CASQ2: variants seen among roughly 807,000 people sequenced by gnomAD.
CASQ2 encodes calsequestrin-2.
In CASQ2, 49 loss-of-function variants were observed where a neutral mutation model predicts 46.5. That is an observed-to-expected ratio of 1.05 (90% CI 0.84 to 1.34). CASQ2 has a LOEUF of 1.34. Among genes scored for constraint, CASQ2 ranks in the 40% most tolerant of loss-of-function variants. The probability of loss-of-function intolerance (pLI) is 0.00; values close to 1 mark genes in which losing one functional copy is unlikely to be tolerated. For synonymous variants in CASQ2, 174 were observed against 168.5 expected (o/e 1.03, Z -0.25); for missense variants, 486 against 481.3 (o/e 1.01, Z -0.09).
intron 1 of CASQ2, among the ~76,000 whole-genome samples, chr1:115,761,678 C>T (rs1017241431): frequency 1.9e-4 from 29 of 151,436 alleles, no homozygotes; most frequent in Non-Finnish European, 7.4e-5. Context: ...GAAGGAAGCT[C>T]AGTCTGTTAG....
chr1:115,709,238 C>T (rs10923234), intron 8 of CASQ2, among the ~76,000 whole-genome samples: 56,653 of 151,990 alleles, frequency 0.37, 11,188 homozygotes, highest in African/African-American at 0.48. Flanking sequence ...ACTGGCAAGT[C>T]CCCTGGAAAA....
At chr1:115,737,350 T>C (rs753529674) in intron 4 of CASQ2, among the ~76,000 whole-genome samples, 1 of 152,134 alleles carries the variant, frequency 6.6e-6, no homozygotes, top group Admixed American at 6.5e-5. Flanking sequence ...GGAAGACTGG[T>C]TAAAGAAATG....
At chr1:115,728,956 C>A (rs751362783) in intron 5 of CASQ2, among the ~76,000 whole-genome samples, 49 of 151,428 alleles carry the variant, frequency 3.2e-4, no homozygotes, top group Admixed American at 5.9e-4. Flanking sequence ...AAAAATTTCC[C>A]AGGGATCTCT....
At chr1:115,724,590 G>C (rs1204408737) in intron 7 of CASQ2, among the ~76,000 whole-genome samples, 1 of 152,218 alleles carries the variant, frequency 6.6e-6, no homozygotes, top group Non-Finnish European at 1.5e-5. Flanking sequence ...TGTACATAAG[G>C]TGTGGGTTGG....
chr1:115,746,599 T>C (rs1372873914), intron 1 of CASQ2, among the ~76,000 whole-genome samples: 2 of 152,228 alleles, frequency 1.3e-5, no homozygotes, highest in Non-Finnish European at 2.9e-5. Context: ...TGAGCATTTT[T>C]AAATGTCCTG....
chr1:115,706,171 C>T (rs967465322), intron 8 of CASQ2, among the ~76,000 whole-genome samples: 13 of 149,546 alleles, frequency 8.7e-5, no homozygotes, highest in African/African-American at 2.4e-4. Context: ...TATGTGTGTG[C>T]GTGCGTGTGT....
chr1:115,731,758 A>G (rs1647791497), intron 5 of CASQ2, among the ~76,000 whole-genome samples: 2 of 152,210 alleles, frequency 1.3e-5, no homozygotes, highest in Admixed American at 6.5e-5. Flanking sequence ...CCTCAGTTTC[A>G]TCCTCTGTAG....
chr1:115,760,741 T>A (rs916097755), intron 1 of CASQ2, among the ~76,000 whole-genome samples: 1 of 152,308 alleles, frequency 6.6e-6, no homozygotes. Context: ...AAACTCCTTA[T>A]GTGGTTCTAA....
intron 2 of CASQ2, 30 bp from the exon 3 acceptor site, chr1:115,740,858 G>A: frequency 2.1e-6 from 3 of 1,449,484 alleles, no homozygotes; most frequent in African/African-American, 2.8e-5. Context: ...CCACAGAGAA[G>A]GTCATCCTGA....
intron 1 of CASQ2, among the ~76,000 whole-genome samples, chr1:115,750,573 ATCACGGC>A (rs1313585033): frequency 6.6e-6 from 1 of 152,188 alleles, no homozygotes. Flanking sequence ...CAGTGGCACA[ATCACGGC>A]TCACTGAAGC....
At chr1:115,768,198 T>C (rs1649195849) in intron 1 of CASQ2, 110 bp downstream of exon 1, 2 of 790,464 alleles carry the variant, frequency 2.5e-6, no homozygotes, top group African/African-American at 1.7e-5. Flanking sequence ...TAAAGCAGAG[T>C]TCAGTATATA....
At chr1:115,718,187 C>T (rs916011757) in intron 7 of CASQ2, among the ~76,000 whole-genome samples, 2 of 152,194 alleles carry the variant, frequency 1.3e-5, no homozygotes, top group Non-Finnish European at 2.9e-5. Context: ...GAGCCTCACT[C>T]CTGTGGTCTG....
At chr1:115,716,709 TC>T (rs1654712026) in intron 8 of CASQ2, among the ~76,000 whole-genome samples, 1 of 152,068 alleles carries the variant, frequency 6.6e-6, no homozygotes, top group South Asian at 2.1e-4. Flanking sequence ...AAAAATAAAA[TC>T]CCGCTAGGCT....
intron 8 of CASQ2, among the ~76,000 whole-genome samples, chr1:115,707,676 A>G (rs1654405753): frequency 6.6e-6 from 1 of 152,224 alleles, no homozygotes; most frequent in Non-Finnish European, 1.5e-5. Context: ...AAATCATAGT[A>G]CAAAGACCAC....
intron 10 of CASQ2, 34 bp downstream of exon 10, chr1:115,702,887 G>A: frequency 6.5e-7 from 1 of 1,527,828 alleles, no homozygotes; most frequent in Non-Finnish European, 9.1e-7. Flanking sequence ...GCAGGCCAAG[G>A]GTGCCTGAGC....
rs1278753200 is a variant in CASQ2, at chr1:115,717,880, A to G, written c.798T>C (p.Asn266=). ...CTGCAAAGGCCACAATGTGGATCCCATTCAAATCATCTTCCTGTATGAGAA... is the reference window on the plus strand; with the variant it reads ...CTGCAAAGGCCACAATGTGGATCCCGTTCAAATCATCTTCCTGTATGAGAA... ...EMFETWEDDL[N]GIHIVAFAEK... Residue 266 remains asparagine, a synonymous_variant, in exon 8 of 11, where the codon AAT becomes AAC. Coordinates refer to ENST00000261448, the MANE Select transcript of CASQ2 (RefSeq NM_001232.4). 4 of 1,610,176 alleles carry G rather than the reference A, an allele frequency of 2.5e-6. No individual in the cohort carries two copies. Among genetic ancestry groups the G allele is most frequent in the Non-Finnish European group, 3.4e-6 (4 of 1,176,334 alleles).
At chr1:115,705,161 T>C (rs1193331679) in intron 9 of CASQ2, 31 bp downstream of exon 9, 2 of 1,368,018 alleles carry the variant, frequency 1.5e-6, no homozygotes, top group East Asian at 2.3e-5. Context: ...TGACAGCAAC[T>C]GAGGGTGGGG....
chr1:115,726,953 GAC>G, intron 6 of CASQ2, 37 bp downstream of exon 6: 1 of 607,798 alleles, frequency 1.6e-6, no homozygotes, highest in Non-Finnish European at 3.1e-6. Flanking sequence ...CCATTCCCCA[GAC>G]CCCAGGCCCC....
intron 1 of CASQ2, among the ~76,000 whole-genome samples, chr1:115,754,039 C>G (rs762426252): frequency 1.3e-5 from 2 of 152,188 alleles, no homozygotes; most frequent in East Asian, 3.9e-4. Context: ...TACCCACTGT[C>G]CCTCATGCCA....
Sources: allele counts gnomAD v4.1 joint callset (sites outside exome capture counted in the v4.1 genomes callset), GRCh38; gene constraint gnomAD v4.1.1; transcripts MANE v1.5; gene names NCBI Gene and HGNC (gene_info 2026-07-23, HGNC 2026-07-21).